Variants in GLRX3 observed in about 807,000 individuals in gnomAD.
GLRX3 encodes the protein glutaredoxin-3.
A neutral mutation model predicts 49.5 loss-of-function variants in GLRX3; 22 were observed. That is an observed-to-expected ratio of 0.44 (90% CI 0.32 to 0.63). GLRX3 has a LOEUF of 0.63. Among genes scored for constraint, GLRX3 ranks in the 30% least tolerant of loss-of-function variants. GLRX3 has a pLI of 0.05. For synonymous variants in GLRX3, 133 were observed against 140.0 expected, an observed-to-expected ratio of 0.95 and a Z score of 0.35; for missense variants, 385 against 396.3, an observed-to-expected ratio of 0.97 and a Z score of 0.24.
intron 1 of GLRX3, among the ~76,000 whole-genome samples, chr10:130,137,872 C>T (rs1036335442): frequency 2.0e-5 from 3 of 151,970 alleles, no homozygotes; most frequent in African/African-American, 7.3e-5. Flanking sequence ...GTAGCTGGGA[C>T]CACAGGTGCT....
rs570040475 is a variant in GLRX3 at position 130,153,854 on chromosome 10, T to A, written c.202-6141T>A. On this transcript the variant is annotated intron_variant, in intron 2 of 10. Coordinates refer to ENST00000331244, the MANE Select transcript of GLRX3 (RefSeq NM_006541.5). ...TTCAGAGCTGTCAGGCAGGGACGTT[T>A]AAGTCTGTAGAAGCCTTTTGTTCAG... 6.6e-5 allele frequency among the ~76,000 whole-genome samples: 10 copies of A among 152,312 alleles called. No individual in the cohort carries two copies. In the East Asian group the frequency reaches 1.4e-3, roughly 21 times the overall value.
rs147781921 is a variant in GLRX3 at position 130,166,539 on chromosome 10, A to C, written c.511A>C (p.Lys171Gln). The C allele has an allele frequency of 3.1e-6, 5 of 1,613,526 alleles. No homozygotes were observed. In the African/African-American group the frequency reaches 6.7e-5, roughly 21 times the overall value. The change falls in exon 5 of 11, where the codon AAA becomes CAA. Residue 171 changes from lysine (K) to glutamine (Q), a missense_variant. Lys to Gln is a moderately conservative substitution (Grantham distance 53, BLOSUM62 1). Transcript: ENST00000331244. ...FSKQMVEILH[K>Q]HNIQFSSFDI... is the part of the protein sequence containing the mutation. ...CAAGCAGATGGTGGAAATTCTTCAC[A>C]AACATAATATTCAGTTTAGCAGTTT...
rs188340186 is a variant in GLRX3 at position 130,174,008 on chromosome 10, G to T, written c.825-859G>T. Among the ~76,000 whole-genome samples, 295 of 152,278 alleles carry T rather than the reference G, an allele frequency of 1.9e-3. 1 individual carries two copies. The highest frequency in any genetic ancestry group is 2.8e-3 in the Non-Finnish European group (191 of 68,020). On this transcript the variant is annotated intron_variant, in intron 8 of 10. Transcript: ENST00000331244. ...CCTGTACCCTCAGGCACCCTGCAAG[G>T]ATTTAGGCATACATGCTTGCTAATA...
At chr10:130,176,192 T>A (rs906862450) in intron 10 of GLRX3, among the ~76,000 whole-genome samples, 14 of 151,692 alleles carry the variant, frequency 9.2e-5, no homozygotes, top group Admixed American at 4.6e-4. Context: ...CAATCTCGGC[T>A]CACTGCAGCC....
Position 130,155,670 on chromosome 10 carries a change from G to A in GLRX3, c.202-4325G>A, listed in dbSNP as rs139131029. ...AGAGCTCTGAGTGCAGGTGTTGAGT[G>A]TATAGTCTGGAGGTGAGGGGAGAGG... On this transcript the variant is annotated intron_variant, in intron 2 of 10. Transcript: ENST00000331244. Among the ~76,000 whole-genome samples the A allele has an allele frequency of 1.4e-4, 22 of 152,294 alleles. No homozygotes were observed. In the East Asian group the frequency reaches 4.0e-3, roughly 28 times the overall value.
chr10:130,143,759 G>A (rs1023052274), intron 1 of GLRX3, among the ~76,000 whole-genome samples: 10 of 151,188 alleles, frequency 6.6e-5, no homozygotes, highest in Non-Finnish European at 1.5e-4. Context: ...GTGCAGTGGT[G>A]TGATCTCAGC....
chr10:130,171,004 T>C (rs961013824), intron 7 of GLRX3, among the ~76,000 whole-genome samples: 1 of 152,042 alleles, frequency 6.6e-6, no homozygotes, highest in Non-Finnish European at 1.5e-5. Context: ...GGCGCATGCC[T>C]ATAGTCCCAG....
chr10:130,160,541 G>A (rs1862554456), intron 3 of GLRX3, among the ~76,000 whole-genome samples: 1 of 152,208 alleles, frequency 6.6e-6, no homozygotes, highest in Admixed American at 6.5e-5. Context: ...TCCAGCCAAT[G>A]TGGGGGCAGT....
chr10:130,150,730 G>A (rs12413087), intron 2 of GLRX3, among the ~76,000 whole-genome samples: 14,343 of 152,180 alleles, frequency 0.094, 854 homozygotes, highest in Non-Finnish European at 0.13. Flanking sequence ...ATTACTGTAT[G>A]TAAACAGATA....
intron 10 of GLRX3, among the ~76,000 whole-genome samples, chr10:130,176,790 C>CTA (rs1376903236): frequency 5.2e-5 from 7 of 135,586 alleles, no homozygotes; most frequent in African/African-American, 1.9e-4. Context: ...CTCTCTCTCT[C>CTA]TCTATATATA....
intron 1 of GLRX3, among the ~76,000 whole-genome samples, chr10:130,143,732 C>T (rs1217708227): frequency 6.6e-6 from 1 of 151,038 alleles, no homozygotes; most frequent in Non-Finnish European, 1.5e-5. Flanking sequence ...GAGTCTTGCT[C>T]TGCCATCCAG....
At chr10:130,154,374 G>A (rs573550536) in intron 2 of GLRX3, among the ~76,000 whole-genome samples, 5 of 152,150 alleles carry the variant, frequency 3.3e-5, no homozygotes, top group Admixed American at 6.5e-5. Context: ...AGATGAACCC[G>A]GTATCTCAGT....
At position 130,136,985 on chromosome 10, in the gene GLRX3, C is replaced by G. The variant is rs1168871666; in HGVS notation, c.92+473C>G. ...GCCCGCCGGGAGGGAGCGGCAGGCT[C>G]GGCGTCGGCCCATTGCTCTTCAGCC... On this transcript the variant is annotated intron_variant, in intron 1 of 10. Transcript: ENST00000331244. 1.6e-4 allele frequency among the ~76,000 whole-genome samples: 24 copies of G among 152,240 alleles called. 1 individual carries two copies.
rs57482969 is a variant in GLRX3 at position 130,148,433 on chromosome 10, CTTTTTTTTTTTTTT to C, written c.201+3128_201+3141del. ...GATGTGAGCCACTTTGCCCTTCAGTCTTTTTTTTTTTTTTTTTTTTTTTTTTTAATGATGAAATG... is the reference window on the plus strand; with the variant it reads ...GATGTGAGCCACTTTGCCCTTCAGTCTTTTTTTTTTTTTAATGATGAAATG... On this transcript the variant is annotated intron_variant, in intron 2 of 10. Transcript: ENST00000331244. 7.1e-5 allele frequency among the ~76,000 whole-genome samples: 5 copies of C among 70,584 alleles called. No individual in the cohort carries two copies. The South Asian group carries it at 2.4e-3, about 33-fold the overall frequency. The allele number at this position is 70,584 out of a possible 152,430, so 46.3% of individuals were successfully genotyped here. A position where few individuals can be genotyped will look rare whatever the true frequency, so the allele number is the denominator to read the frequency against.
chr10:130,159,976 G>A lies in GLRX3; in HGVS notation c.202-19G>A. ...AAAGGACCTTGTAATAATCAAGCTT[G>A]AATTCTTTTATTTTAAAGTTGGAAG... On this transcript the variant is annotated intron_variant, in intron 2 of 10. Coordinates refer to ENST00000331244, the MANE Select transcript of GLRX3 (RefSeq NM_006541.5). 1 of 1,493,758 alleles carries A rather than the reference G, an allele frequency of 6.7e-7. No individual in the cohort carries two copies. The highest frequency in any genetic ancestry group is 1.7e-4 in the Middle Eastern group (1 of 5,792). The allele number at this position is 1,493,758 out of a possible 1,614,324, so 92.5% of individuals were successfully genotyped here.
chr10:130,159,721 A>G, intron 2 of GLRX3: 3 of 805,144 alleles, frequency 3.7e-6, no homozygotes, highest in Non-Finnish European at 4.9e-6. Flanking sequence ...CTAGGTCACT[A>G]GTGCACCAAA....
At chr10:130,176,800 A>C (rs1217142883) in intron 10 of GLRX3, among the ~76,000 whole-genome samples, 5 of 128,160 alleles carry the variant, frequency 3.9e-5, no homozygotes, top group East Asian at 2.3e-4. Flanking sequence ...CTCTATATAT[A>C]TATATATAGT....
intron 2 of GLRX3, among the ~76,000 whole-genome samples, chr10:130,148,055 C>G (rs1263731410): frequency 1.3e-5 from 2 of 152,078 alleles, no homozygotes; most frequent in African/African-American, 4.8e-5. Context: ...TTTAAAACAG[C>G]TTTCTTTTTG....
In GLRX3 at chr10:130,160,821, A is replaced by G. The variant is rs752591196; in HGVS notation, c.302A>G (p.Asp101Gly). The change falls in exon 4 of 11, where the codon GAT becomes GGT. Residue 101 changes from aspartate (D) to glycine (G), a missense_variant. Physicochemically the swap from Asp to Gly is moderately conservative, Grantham distance 94. Coordinates refer to ENST00000331244, the MANE Select transcript of GLRX3 (RefSeq NM_006541.5). ...AATTCTCAGAAAATCGACCGATTAGATGGTGCACATGCCCCAGAGTTGACC... is the reference window on the plus strand; with the variant it reads ...AATTCTCAGAAAATCGACCGATTAGGTGGTGCACATGCCCCAGAGTTGACC... ...FKNSQKIDRL[D>G]GAHAPELTKK... is the part of the protein sequence containing the mutation. The G allele has an allele frequency of 6.2e-7, 1 of 1,601,704 alleles. No individual in the cohort carries two copies. The highest frequency in any genetic ancestry group is 1.3e-5 in the African/African-American group (1 of 74,852).
Sources: allele counts gnomAD v4.1 joint callset (sites outside exome capture counted in the v4.1 genomes callset), GRCh38; gene constraint gnomAD v4.1.1; transcripts MANE v1.5; gene names NCBI Gene and HGNC (gene_info 2026-07-23, HGNC 2026-07-21).